The following ZNF846 variants were observed in gnomAD, a reference collection of about 807,000 sequenced individuals.
The protein encoded by ZNF846 is zinc finger protein 846, also known as zinc finger protein 420 pseudogene.
A neutral mutation model predicts 16.0 loss-of-function variants in ZNF846; 15 were observed. That is an observed-to-expected ratio of 0.94 (90% CI 0.63 to 1.45). ZNF846 has a LOEUF of 1.45. ZNF846 is among the 40% of genes most tolerant of loss of function. ZNF846 has a pLI of 0.00. For missense variants in ZNF846, 714 were observed against 622.3 expected, an observed-to-expected ratio of 1.15 and a Z score of -1.57; for synonymous variants, 229 against 212.0, an observed-to-expected ratio of 1.08 and a Z score of -0.70.
At chr19:9,782,066 C>G (rs575050432) in intron 1 of ZNF846, among the ~76,000 whole-genome samples, 1 of 151,962 alleles carries the variant, frequency 6.6e-6, no homozygotes, top group Non-Finnish European at 1.5e-5. Flanking sequence ...TGTGAGCCAC[C>G]GCACCCGGCC....
downstream of ZNF846, among the ~76,000 whole-genome samples, chr19:9,753,529 C>T (rs2045105325): frequency 6.6e-6 from 1 of 151,062 alleles, no homozygotes; most frequent in Non-Finnish European, 1.5e-5. Context: ...GCTGGGATTA[C>T]AGGTGTGAGC....
At chr19:9,785,660 A>T (rs1490826837) in intron 1 of ZNF846, among the ~76,000 whole-genome samples, 1 of 14,410 alleles carries the variant, frequency 6.9e-5, no homozygotes, top group Non-Finnish European at 1.3e-4. Context: ...CCTCACCGAG[A>T]CCCCGCCCCA....
chr19:9,751,700 C>A (rs890830096), downstream of ZNF846, among the ~76,000 whole-genome samples: 13 of 151,764 alleles, frequency 8.6e-5, no homozygotes, highest in Admixed American at 1.3e-4. Flanking sequence ...TTCCTCCCTG[C>A]CTTTGGGACA....
chr19:9,748,976 G>T (rs544460247), downstream of ZNF846, among the ~76,000 whole-genome samples: 7 of 152,212 alleles, frequency 4.6e-5, no homozygotes, highest in South Asian at 1.5e-3. Flanking sequence ...TTGTTGTTAA[G>T]AATCTGATCC....
chr19:9,759,862 A>G (rs1599385700), exon 5 of ZNF846: 4 of 1,611,496 alleles, frequency 2.5e-6, no homozygotes, highest in South Asian at 2.2e-5. Flanking sequence ...AATCTTACCA[A>G]TTGTACTCCA....
downstream of ZNF846, among the ~76,000 whole-genome samples, chr19:9,755,050 G>C (rs1303261886): frequency 6.6e-6 from 1 of 151,224 alleles, no homozygotes; most frequent in African/African-American, 2.5e-5. Context: ...ATTTTTAGTA[G>C]AGACGGGGTT....
intron 1 of ZNF846, among the ~76,000 whole-genome samples, chr19:9,777,405 G>A (rs1474259028): frequency 6.6e-6 from 1 of 152,000 alleles, no homozygotes; most frequent in Non-Finnish European, 1.5e-5. Context: ...GGGTGCGGTG[G>A]CTCATGCCTG....
chr19:9,781,130 G>A (rs1007169997), intron 1 of ZNF846, among the ~76,000 whole-genome samples: 17 of 151,972 alleles, frequency 1.1e-4, no homozygotes, highest in African/African-American at 3.9e-4. Context: ...ATCCTGTTAG[G>A]TGTTTTTTTG....
exon 6 of ZNF846, chr19:9,758,641 G>C (rs1013995897): frequency 1.9e-6 from 3 of 1,613,042 alleles, no homozygotes; most frequent in Non-Finnish European, 2.5e-6. Context: ...TTTCCACTCT[G>C]ATTATCCTCA....
At chr19:9,764,975 A>G (rs1369556239) in exon 2 of ZNF846, 12 of 1,614,006 alleles carry the variant, frequency 7.4e-6, no homozygotes, top group Non-Finnish European at 1.0e-5. Context: ...TAACCCAGCC[A>G]CTAGCCTTGG....
chr19:9,762,191 G>C lies in ZNF846; in HGVS notation c.143-23C>G, dbSNP rs1390180656. The C allele has an allele frequency of 2.5e-6, 4 of 1,595,768 alleles. No homozygotes were observed. The South Asian group carries it at 4.4e-5, about 18-fold the overall frequency. On this transcript the variant is annotated intron_variant, in intron 3 of 5. Coordinates refer to ENST00000397902, the Ensembl canonical transcript of ZNF846. The stretch of plus-strand genomic sequence containing the variant: ...CTGCTGGAGGGAAAAATGCACAAAA[G>C]AAGAGGCCCATGCAAGACATAACAC...
At chr19:9,780,575 G>A (rs879478913) in intron 1 of ZNF846, among the ~76,000 whole-genome samples, 96 of 151,918 alleles carry the variant, frequency 6.3e-4, no homozygotes, top group African/African-American at 3.1e-4. Context: ...TCAGTCTCCC[G>A]AGTAGCTGGG....
chr19:9,751,410 A>T (rs772992415), downstream of ZNF846, among the ~76,000 whole-genome samples: 5 of 152,182 alleles, frequency 3.3e-5, no homozygotes, highest in Non-Finnish European at 7.3e-5. Flanking sequence ...ATTAACATAA[A>T]AAAACAGGAA....
chr19:9,773,966 A>C (rs1440270651), intron 1 of ZNF846, among the ~76,000 whole-genome samples: 1 of 152,226 alleles, frequency 6.6e-6, no homozygotes, highest in Non-Finnish European at 1.5e-5. Context: ...AAAGCCAGTA[A>C]GGTGATGTAA....
chr19:9,757,125 G>T (rs900134991), downstream of ZNF846, among the ~76,000 whole-genome samples: 3 of 151,332 alleles, frequency 2.0e-5, 1 homozygote, highest in African/African-American at 7.4e-5. Context: ...AACCCAGGAG[G>T]CAGAGGTTGC....
chr19:9,757,640 T>G (rs369879414), exon 6 of ZNF846: 14 of 1,613,468 alleles, frequency 8.7e-6, no homozygotes, highest in Non-Finnish European at 1.1e-5. Flanking sequence ...ATTCTTTACA[T>G]GCATAAGGCT....
At chr19:9,782,856 C>T (rs2045515326) in intron 1 of ZNF846, among the ~76,000 whole-genome samples, 1 of 152,142 alleles carries the variant, frequency 6.6e-6, no homozygotes, top group Non-Finnish European at 1.5e-5. Flanking sequence ...TCTCAAAATG[C>T]ACACCTGTGG....
downstream of ZNF846, among the ~76,000 whole-genome samples, chr19:9,751,645 T>C (rs532227057): frequency 4.6e-5 from 7 of 152,226 alleles, no homozygotes; most frequent in African/African-American, 1.7e-4. Context: ...CTTGTGAATG[T>C]ACTTTGTAAC....
In ZNF846 at chr19:9,765,374, TAA is replaced by T. The variant is rs923342770; in HGVS notation, c.-85-341_-85-340del. On this transcript the variant is annotated intron_variant, in intron 1 of 5. Coordinates refer to ENST00000397902, the Ensembl canonical transcript of ZNF846. ...TGGCTGACAGAGTGCGACTCCATCT[TAA>T]AAAACAAAAAAGTAGGCCAGGCACG... Among the ~76,000 whole-genome samples, 3 of 126,548 alleles carry T rather than the reference TAA, an allele frequency of 2.4e-5. No individual in the cohort carries two copies. The Admixed American group carries it at 2.4e-4, about 10-fold the overall frequency. The allele number at this position is 126,548 out of a possible 152,430, so 83.0% of individuals were successfully genotyped here. A position where few individuals can be genotyped will look rare whatever the true frequency, so the allele number is the denominator to read the frequency against.
Sources: allele counts gnomAD v4.1 joint callset (sites outside exome capture counted in the v4.1 genomes callset), GRCh38; gene constraint gnomAD v4.1.1; transcripts MANE v1.5; gene names NCBI Gene and HGNC (gene_info 2026-07-23, HGNC 2026-07-21).